LRPAP1: variants seen among roughly 807,000 people sequenced by gnomAD.
The protein encoded by LRPAP1 is LDL receptor related protein associated protein 1, also known as alpha-2-macroglobulin receptor-associated protein.
Under a neutral mutation model 39.9 loss-of-function variants are expected in LRPAP1, and 41 were observed. The ratio of observed to expected loss-of-function variants is 1.03; its 90% confidence interval spans 0.80 to 1.33. The LOEUF (loss-of-function observed/expected upper bound fraction) is 1.33, where lower values mean the gene tolerates loss of function less well. Among genes scored for constraint, LRPAP1 ranks in the 40% most tolerant of loss-of-function variants. LRPAP1 has a pLI of 0.00. For missense variants in LRPAP1, 565 were observed against 482.3 expected (o/e 1.17, Z -1.61); for synonymous variants, 263 against 212.7 (o/e 1.24, Z -2.06).
chr4:3,523,267 C>T (rs960879128), intron 2 of LRPAP1, among the ~76,000 whole-genome samples: 3 of 152,202 alleles, frequency 2.0e-5, no homozygotes, highest in African/African-American at 7.2e-5. Context: ...TTCCTGGGGG[C>T]ACCTCCAGGA....
rs371391183 is a variant in LRPAP1, at chr4:3,517,991, C to T, written c.751+43G>A. The T allele has an allele frequency of 2.2e-4, 341 of 1,550,388 alleles. 1 individual carries two copies. In the South Asian group the frequency reaches 2.5e-3, roughly 11 times the overall value. On this transcript the variant is annotated intron_variant, in intron 5 of 7. Coordinates refer to ENST00000650182, the MANE Select transcript of LRPAP1 (RefSeq NM_002337.4). ...CTTGTCCCCAAAACACAACCAGAGA[C>T]GGCCCCACCCTCGGGAACCAACAGT...
chr4:3,510,770 C>T lies in LRPAP1; in HGVS notation c.*2204G>A, dbSNP rs964204824. ...ATACACGCAGACATACACAGACGCA[C>T]GCAAAGACACAGACTGCCCAGAGCC... is the stretch of plus-strand genomic sequence containing the variant. On this transcript the variant is annotated 3_prime_UTR_variant, in exon 8 of 8. Coordinates refer to ENST00000650182, the MANE Select transcript of LRPAP1 (RefSeq NM_002337.4). The T allele has an allele frequency of 2.0e-5, 3 of 152,402 alleles. No homozygotes were observed. The highest frequency in any genetic ancestry group is 2.9e-5 in the Non-Finnish European group (2 of 68,058). 9.4% of individuals were successfully genotyped at this position (152,402 alleles called of 1,614,324 possible).
chr4:3,520,651 C>T (rs1279666904), intron 2 of LRPAP1, among the ~76,000 whole-genome samples: 1 of 152,244 alleles, frequency 6.6e-6, no homozygotes, highest in Admixed American at 6.5e-5. Flanking sequence ...AGGACAGAGG[C>T]CACCTGCAGA....
At chr4:3,530,154 C>T (rs1330288938) in intron 1 of LRPAP1, among the ~76,000 whole-genome samples, 1 of 152,208 alleles carries the variant, frequency 6.6e-6, no homozygotes. Flanking sequence ...GTGGCTCCTC[C>T]TGCCTCCTGA....
intron 6 of LRPAP1, chr4:3,515,733 C>A: frequency 3.7e-6 from 1 of 267,008 alleles, no homozygotes; most frequent in Non-Finnish European, 7.2e-6. Flanking sequence ...TGGTCTCCTT[C>A]CCTCCCTGGG....
chr4:3,525,166 T>C (rs1730043710), intron 1 of LRPAP1, 115 bp from the exon 2 acceptor site: 1 of 1,190,332 alleles, frequency 8.4e-7, no homozygotes, highest in Admixed American at 1.7e-5. Flanking sequence ...CAGGAAGAGG[T>C]GGAGTCAGGG....
In LRPAP1 at chr4:3,532,246, A is replaced by C; in HGVS notation, c.167T>G (p.Met56Arg). The change falls in exon 1 of 8, where the codon ATG (methionine) becomes AGG (arginine). Residue 56 changes from methionine to arginine, a missense_variant. Met to Arg is a moderately conservative substitution (Grantham distance 91). Transcript: ENST00000650182. The stretch of plus-strand genomic sequence containing the variant: ...CTCCCACAGCTGGTTCAACTTCTCC[A>C]TGCGGAACTCCTCTCCGGACTCGCG... ...PKRESGEEFR[M>R]EKLNQLWEKA... 2.6e-6 allele frequency: 4 copies of C among 1,551,570 alleles called. No homozygotes were observed. The highest frequency in any genetic ancestry group is 3.5e-6 in the Non-Finnish European group (4 of 1,147,218).
chr4:3,528,301 G>A (rs762586209), intron 1 of LRPAP1, among the ~76,000 whole-genome samples: 1 of 152,156 alleles, frequency 6.6e-6, no homozygotes, highest in Non-Finnish European at 1.5e-5. Flanking sequence ...ATCAAACGAC[G>A]CCGGTCCTGT....
intron 4 of LRPAP1, 57 bp downstream of exon 4, chr4:3,518,814 G>A (rs1729812689): frequency 5.9e-6 from 7 of 1,185,466 alleles, no homozygotes; most frequent in Non-Finnish European, 8.3e-6. Context: ...GTGCAGGAGG[G>A]GTGGGGGGCA....
Position 3,512,708 on chromosome 4 carries a change from CTG to C in LRPAP1, c.*264_*265del. The C allele has an allele frequency of 2.0e-6, 1 of 506,462 alleles. No homozygotes were observed. The highest frequency in any genetic ancestry group is 3.2e-5 in the East Asian group (1 of 31,100). 31.4% of individuals were successfully genotyped at this position (506,462 alleles called of 1,614,324 possible). On this transcript the variant is annotated 3_prime_UTR_variant, in exon 8 of 8. Coordinates refer to ENST00000650182, the MANE Select transcript of LRPAP1 (RefSeq NM_002337.4). The stretch of plus-strand genomic sequence containing the variant: ...CAGCAGCTGGACATCGAGGTCCTCA[CTG>C]GGGTGGTGACTGCCACGCTGATGCT...
rs2108701014 is a variant in LRPAP1, at chr4:3,532,209, T to C, written c.204A>G (p.Arg68=). The C allele has an allele frequency of 5.8e-6, 9 of 1,547,992 alleles. No homozygotes were observed. The highest frequency in any genetic ancestry group is 7.9e-6 in the Non-Finnish European group (9 of 1,145,590). ...TCCACCGACCGCGGGCCGCGCTCAC[T>C]CGCTGGGCCTTCTCCCACAGCTGGT... The part of the protein sequence containing the change: ...KLNQLWEKAQ[R]LHLPPVRLAE... The change falls in exon 1 of 8, where the codon CGA becomes CGG. Residue 68 remains arginine, a splice_region_variant and synonymous_variant. Coordinates refer to ENST00000650182, the MANE Select transcript of LRPAP1 (RefSeq NM_002337.4).
At chr4:3,527,631 G>A (rs1730120244) in intron 1 of LRPAP1, among the ~76,000 whole-genome samples, 1 of 152,260 alleles carries the variant, frequency 6.6e-6, no homozygotes, top group Non-Finnish European at 1.5e-5. Context: ...AGGCAATTCA[G>A]GCCCATGCTC....
chr4:3,505,564 G>A lies in LRPAP1; in HGVS notation c.*7410C>T, dbSNP rs537979994. On this transcript the variant is annotated 3_prime_UTR_variant, in exon 8 of 8. Coordinates refer to ENST00000650182, the MANE Select transcript of LRPAP1 (RefSeq NM_002337.4). ...CCACACCTGGCACAACACCATGGCT[G>A]AGGTGCGCTTCCAGCTGCACCAGCA... Among the ~76,000 whole-genome samples the A allele has an allele frequency of 6.6e-6, 1 of 152,174 alleles. No individual in the cohort carries two copies. Among genetic ancestry groups the A allele is most frequent in the Non-Finnish European group, 1.5e-5 (1 of 68,022 alleles).
At chr4:3,530,183 C>T (rs928805251) in intron 1 of LRPAP1, among the ~76,000 whole-genome samples, 1 of 152,176 alleles carries the variant, frequency 6.6e-6, no homozygotes, top group African/African-American at 2.4e-5. Context: ...GGCCCTGGCA[C>T]GCTCGGCAGA....
chr4:3,521,319 C>A (rs1487723896), intron 2 of LRPAP1, among the ~76,000 whole-genome samples: 1 of 152,182 alleles, frequency 6.6e-6, no homozygotes, highest in Non-Finnish European at 1.5e-5. Context: ...CCTCACACTT[C>A]CCCTCACCCC....
intron 2 of LRPAP1, among the ~76,000 whole-genome samples, chr4:3,522,600 C>T (rs1312535546): frequency 4.0e-5 from 2 of 49,500 alleles, no homozygotes; most frequent in South Asian, 6.9e-4. Flanking sequence ...TCGGACGCCG[C>T]CCCACACCCC....
intron 1 of LRPAP1, among the ~76,000 whole-genome samples, chr4:3,527,917 G>T (rs1027316651): frequency 2.0e-5 from 3 of 152,228 alleles, no homozygotes; most frequent in African/African-American, 7.2e-5. Flanking sequence ...ACCCACAGGG[G>T]AAAGTCATTT....
chr4:3,517,011 A>G lies in LRPAP1; in HGVS notation c.752-813T>C, dbSNP rs116282622. On this transcript the variant is annotated intron_variant, in intron 5 of 7. Coordinates refer to ENST00000650182, the MANE Select transcript of LRPAP1 (RefSeq NM_002337.4). The stretch of plus-strand genomic sequence containing the variant: ...GGCTGAGTCGCCCTTTCCTGCATGG[A>G]CTATAGCCAGGCTCATCCGGGTCTC... 4.5e-3 allele frequency among the ~76,000 whole-genome samples: 683 copies of G among 152,308 alleles called. 4 individuals carry two copies. The highest frequency in any genetic ancestry group is 0.015 in the African/African-American group (641 of 41,568).
intron 2 of LRPAP1, among the ~76,000 whole-genome samples, chr4:3,523,881 G>A (rs1729998034): frequency 6.6e-6 from 1 of 152,078 alleles, no homozygotes. Context: ...ATCCCACTTG[G>A]TTCACACCAC....
Sources: gnomAD v4.1 joint callset for allele counts (sites outside exome capture counted in the v4.1 genomes callset) on GRCh38, gnomAD v4.1.1 for gene constraint, MANE v1.5 for transcripts, NCBI Gene and HGNC (gene_info 2026-07-23, HGNC 2026-07-21) for gene names.